Variants in CSMD1 observed in about 807,000 individuals in gnomAD.
The protein encoded by CSMD1 is CUB and sushi domain-containing protein 1.
In CSMD1, 213 loss-of-function variants were observed where a neutral mutation model predicts 417.5. The observed-to-expected ratio is 0.51, with a 90% confidence interval of 0.46 to 0.57. The LOEUF (loss-of-function observed/expected upper bound fraction) is 0.57. CSMD1 is among the 20% of genes least tolerant of loss of function. The probability of loss-of-function intolerance (pLI) is 0.00; values close to 1 mark genes in which losing one functional copy is unlikely to be tolerated. For missense variants in CSMD1, 6,923 were observed against 4,529.7 expected (o/e 1.53, Z -15.17); for synonymous variants, 2,862 against 1,736.8 (o/e 1.65, Z -16.11).
intron 4 of CSMD1, among the ~76,000 whole-genome samples, chr8:4,025,518 C>A (rs1464899404): frequency 6.6e-6 from 1 of 152,166 alleles, no homozygotes. Flanking sequence ...TTCATTGAAA[C>A]TATCTAGCTG....
intron 3 of CSMD1, among the ~76,000 whole-genome samples, chr8:4,201,540 C>CAAAAAAAAAA (rs1157479482): frequency 5.1e-5 from 3 of 59,030 alleles, no homozygotes; most frequent in Non-Finnish European, 8.4e-5. Flanking sequence ...TCTGTCTCCA[C>CAAAAAAAAAA]AAAAAAAAAA....
At chr8:3,737,352 C>T (rs1476550650) in intron 6 of CSMD1, among the ~76,000 whole-genome samples, 1 of 152,172 alleles carries the variant, frequency 6.6e-6, no homozygotes, top group African/African-American at 2.4e-5. Flanking sequence ...TAATGTGACC[C>T]CCCTTTCTCT....
At chr8:4,552,910 G>A (rs959332557) in intron 2 of CSMD1, among the ~76,000 whole-genome samples, 1 of 152,150 alleles carries the variant, frequency 6.6e-6, no homozygotes, top group South Asian at 2.1e-4. Context: ...AGGTGAGATG[G>A]CAAGTTCCTA....
At chr8:2,998,280 T>C in intron 53 of CSMD1, 96 bp from the exon 54 acceptor site, 1 of 1,290,972 alleles carries the variant, frequency 7.7e-7, no homozygotes, top group Non-Finnish European at 1.1e-6. Context: ...ATGCTAACGG[T>C]ATGGACTGAA....
At chr8:3,460,406 T>G (rs986554815) in intron 12 of CSMD1, among the ~76,000 whole-genome samples, 4 of 152,200 alleles carry the variant, frequency 2.6e-5, no homozygotes, top group Non-Finnish European at 5.9e-5. Context: ...CAGAATATTC[T>G]GTGGACCCTG....
chr8:4,384,117 G>T (rs1051491992), intron 3 of CSMD1, among the ~76,000 whole-genome samples: 1 of 152,106 alleles, frequency 6.6e-6, no homozygotes, highest in Non-Finnish European at 1.5e-5. Context: ...ATCAACACAG[G>T]CTTCAGCTTT....
intron 3 of CSMD1, among the ~76,000 whole-genome samples, chr8:4,401,538 G>C (rs866499015): frequency 6.6e-6 from 1 of 152,064 alleles, no homozygotes; most frequent in African/African-American, 2.4e-5. Context: ...CCCAGCAGTA[G>C]CTCCCCTGTC....
intron 3 of CSMD1, among the ~76,000 whole-genome samples, chr8:4,228,026 C>T (rs1454426399): frequency 6.6e-6 from 1 of 150,564 alleles, no homozygotes; most frequent in Non-Finnish European, 1.5e-5. Context: ...CCCTCCACCC[C>T]ACATTAAATC....
At chr8:3,567,072 T>C (rs745356473) in intron 10 of CSMD1, among the ~76,000 whole-genome samples, 51 of 152,214 alleles carry the variant, frequency 3.4e-4, no homozygotes, top group Non-Finnish European at 6.5e-4. Flanking sequence ...GGTACATGTA[T>C]ACCATGGAAT....
chr8:4,680,696 C>T (rs1238743881), intron 1 of CSMD1, among the ~76,000 whole-genome samples: 1 of 152,106 alleles, frequency 6.6e-6, no homozygotes, highest in Non-Finnish European at 1.5e-5. Context: ...TCTCCCGCCT[C>T]AGCCTCCCGA....
intron 2 of CSMD1, among the ~76,000 whole-genome samples, chr8:4,525,117 C>T (rs1395353122): frequency 6.6e-6 from 1 of 152,180 alleles, no homozygotes; most frequent in Non-Finnish European, 1.5e-5. Flanking sequence ...GATCATAGTG[C>T]TAAATTTTCA....
intron 10 of CSMD1, among the ~76,000 whole-genome samples, chr8:3,558,082 C>G (rs886395431): frequency 1.3e-5 from 2 of 149,820 alleles, no homozygotes; most frequent in Non-Finnish European, 3.0e-5. Flanking sequence ...CTCAATAGTA[C>G]CCCGTGTCGA....
At chr8:3,506,973 T>G (rs772770102) in intron 10 of CSMD1, among the ~76,000 whole-genome samples, 1 of 152,242 alleles carries the variant, frequency 6.6e-6, no homozygotes, top group Non-Finnish European at 1.5e-5. Context: ...GTTTTGCTTA[T>G]CTTTGATATA....
At chr8:3,958,541 T>A (rs988233468) in intron 5 of CSMD1, among the ~76,000 whole-genome samples, 1 of 152,208 alleles carries the variant, frequency 6.6e-6, no homozygotes, top group Non-Finnish European at 1.5e-5. Context: ...GTTCTATTAT[T>A]CATTTACTGA....
rs114208873 is a variant in CSMD1 at position 3,975,170 on chromosome 8, T to A, written c.818+22733A>T. ...GAGAGGCATGCCTCATCTTACAGTA[T>A]GATTTTCATTCAGCATCCTGTTACG... On this transcript the variant is annotated intron_variant, in intron 5 of 69. Transcript: ENST00000635120. 3.8e-3 allele frequency among the ~76,000 whole-genome samples: 572 copies of A among 152,330 alleles called. 5 individuals carry two copies. Among genetic ancestry groups the A allele is most frequent in the African/African-American group, 0.013 (552 of 41,574 alleles).
At chr8:3,488,217 C>T (rs973647254) in intron 11 of CSMD1, among the ~76,000 whole-genome samples, 1 of 152,000 alleles carries the variant, frequency 6.6e-6, no homozygotes, top group African/African-American at 2.4e-5. Context: ...ACCCTTTCAC[C>T]TTAGCCTCCT....
At chr8:4,802,367 G>GTC in intron 1 of CSMD1, among the ~76,000 whole-genome samples, 1 of 152,068 alleles carries the variant, frequency 6.6e-6, no homozygotes, top group African/African-American at 2.4e-5. Flanking sequence ...GTGTGTGTGT[G>GTC]TGTGTGTGTG....
At chr8:4,531,529 G>C (rs535130533) in intron 2 of CSMD1, among the ~76,000 whole-genome samples, 1 of 152,098 alleles carries the variant, frequency 6.6e-6, no homozygotes, top group African/African-American at 2.4e-5. Flanking sequence ...CCCCCAGAAG[G>C]TTGGAAGGAA....
chr8:3,986,749 T>C (rs1022724794), intron 5 of CSMD1, among the ~76,000 whole-genome samples: 1 of 147,668 alleles, frequency 6.8e-6, no homozygotes, highest in Non-Finnish European at 1.5e-5. Context: ...GCTTTTACAA[T>C]GTTTAAGTGA....
Sources: allele counts gnomAD v4.1 joint callset (sites outside exome capture counted in the v4.1 genomes callset), GRCh38; gene constraint gnomAD v4.1.1; transcripts MANE v1.5; gene names NCBI Gene and HGNC (gene_info 2026-07-23, HGNC 2026-07-21).